Variants in CORO2A observed in about 807,000 individuals in gnomAD.
CORO2A encodes the protein coronin 2A.
Under a neutral mutation model 62.4 loss-of-function variants are expected in CORO2A, and 47 were observed. That is an observed-to-expected ratio of 0.75 (90% CI 0.60 to 0.96). The LOEUF (loss-of-function observed/expected upper bound fraction) is 0.96. Among genes scored for constraint, CORO2A ranks in the 40% least tolerant of loss-of-function variants. The probability of loss-of-function intolerance (pLI) is 0.00; values close to 1 mark genes in which losing one functional copy is unlikely to be tolerated. For missense variants in CORO2A, 610 were observed against 684.1 expected (o/e 0.89, Z 1.21); for synonymous variants, 273 against 268.9 (o/e 1.02, Z -0.15).
At position 98,188,402 on chromosome 9, in the gene CORO2A, T is replaced by C. The variant is rs546035971; in HGVS notation, c.-1+4157A>G. On this transcript the variant is annotated intron_variant, in intron 1 of 11. Transcript: ENST00000375077. ...TCCCCCCATCTGATTGTAAGCTCTT[T>C]GGGGGAAGATCTTTCTGGTCTATTT... 8.3e-4 allele frequency among the ~76,000 whole-genome samples: 127 copies of C among 152,328 alleles called. 1 individual carries two copies. The highest frequency in any genetic ancestry group is 2.8e-3 in the African/African-American group (116 of 41,586).
At chr9:98,132,913 T>G (rs1380001807) in intron 5 of CORO2A, 125 bp downstream of exon 5, 2 of 1,061,490 alleles carry the variant, frequency 1.9e-6, no homozygotes, top group Admixed American at 4.9e-5. Context: ...CAGACAGGGA[T>G]GCTGCCTGTG....
At chr9:98,160,142 C>T (rs1345237448) in intron 1 of CORO2A, among the ~76,000 whole-genome samples, 1 of 152,184 alleles carries the variant, frequency 6.6e-6, no homozygotes, top group African/African-American at 2.4e-5. Flanking sequence ...TTGCCCTAAA[C>T]CCTGGCTGCA....
chr9:98,147,395 T>C (rs961407802), intron 2 of CORO2A, among the ~76,000 whole-genome samples: 3 of 152,082 alleles, frequency 2.0e-5, no homozygotes, highest in African/African-American at 7.2e-5. Context: ...ATACTTCAGG[T>C]AAAAGGGATG....
intron 1 of CORO2A, among the ~76,000 whole-genome samples, chr9:98,184,204 T>G (rs2118938851): frequency 6.6e-6 from 1 of 151,738 alleles, no homozygotes; most frequent in South Asian, 2.1e-4. Flanking sequence ...AAATAAATTA[T>G]CTATCAAGTA....
chr9:98,151,964 A>G (rs4742718), intron 2 of CORO2A, among the ~76,000 whole-genome samples: 95,830 of 150,706 alleles, frequency 0.64, 31,036 homozygotes, highest in African/African-American at 0.78. Context: ...CCACAGGCGC[A>G]CGCCACCATG....
At chr9:98,153,069 TG>T (rs1280560567) in intron 2 of CORO2A, among the ~76,000 whole-genome samples, 1 of 152,216 alleles carries the variant, frequency 6.6e-6, no homozygotes, top group African/African-American at 2.4e-5. Flanking sequence ...GTACAGTATT[TG>T]GGGGTAAAGG....
chr9:98,167,177 A>AG (rs1234452531), intron 1 of CORO2A, among the ~76,000 whole-genome samples: 11 of 152,168 alleles, frequency 7.2e-5, no homozygotes, highest in Non-Finnish European at 1.5e-5. Flanking sequence ...ATGAACTTTG[A>AG]GGGCATTATG....
At chr9:98,178,545 A>C (rs187432978) in intron 1 of CORO2A, among the ~76,000 whole-genome samples, 2 of 152,216 alleles carry the variant, frequency 1.3e-5, no homozygotes, top group Non-Finnish European at 2.9e-5. Flanking sequence ...AGGTTAATTA[A>C]TTGGGATAAC....
chr9:98,162,260 G>A (rs1827896471), intron 1 of CORO2A, among the ~76,000 whole-genome samples: 1 of 151,976 alleles, frequency 6.6e-6, no homozygotes, highest in African/African-American at 2.4e-5. Flanking sequence ...AGCTCTTTCA[G>A]ACCCATCACA....
intron 2 of CORO2A, among the ~76,000 whole-genome samples, chr9:98,150,661 G>A (rs370067313): frequency 6.6e-6 from 1 of 152,164 alleles, no homozygotes; most frequent in East Asian, 1.9e-4. Flanking sequence ...TAGAAACAGT[G>A]ACAGTTCTGA....
intron 2 of CORO2A, among the ~76,000 whole-genome samples, chr9:98,151,673 CT>C (rs1197238736): frequency 6.6e-6 from 1 of 151,900 alleles, no homozygotes; most frequent in South Asian, 2.1e-4. Context: ...CGCTATTTTT[CT>C]TTTTTTGAGA....
rs577570567 is a variant in CORO2A at position 98,123,108 on chromosome 9, A to G, written c.*1666T>C. ...CCCTGGTTCAGATGAAGAAACTGAG[A>G]CCAGAGAGGGCAGGACTTGCAAGAG... On this transcript the variant is annotated 3_prime_UTR_variant, in exon 12 of 12. Coordinates refer to ENST00000375077, the MANE Select transcript of CORO2A (RefSeq NM_052820.4). The G allele has an allele frequency of 6.6e-6, 1 of 152,376 alleles. No homozygotes were observed. Among genetic ancestry groups the G allele is most frequent in the East Asian group, 1.9e-4 (1 of 5,184 alleles). 9.4% of individuals were successfully genotyped at this position (152,376 alleles called of 1,614,324 possible).
chr9:98,154,051 A>C (rs80277213), intron 2 of CORO2A, among the ~76,000 whole-genome samples: 1 of 152,052 alleles, frequency 6.6e-6, no homozygotes, highest in Non-Finnish European at 1.5e-5. Context: ...AATAAATCCA[A>C]CTTGGTCAGA....
chr9:98,162,424 G>A (rs890085070), intron 1 of CORO2A, among the ~76,000 whole-genome samples: 15 of 152,186 alleles, frequency 9.9e-5, no homozygotes, highest in Admixed American at 2.0e-4. Flanking sequence ...CAGCAAAAGA[G>A]CGTGAACATC....
chr9:98,157,301 A>C, intron 2 of CORO2A, 159 bp downstream of exon 2: 1 of 675,170 alleles, frequency 1.5e-6, no homozygotes, highest in South Asian at 2.0e-5. Flanking sequence ...TATTTTTCCC[A>C]GTGAGGAAAC....
chr9:98,154,368 T>C (rs1185887460), intron 2 of CORO2A, among the ~76,000 whole-genome samples: 1 of 139,750 alleles, frequency 7.2e-6, no homozygotes, highest in African/African-American at 2.6e-5. Flanking sequence ...AATACATATA[T>C]ATATATATTT....
intron 1 of CORO2A, among the ~76,000 whole-genome samples, chr9:98,190,871 A>G (rs1267415306): frequency 1.3e-5 from 2 of 152,218 alleles, no homozygotes; most frequent in Non-Finnish European, 1.5e-5. Context: ...ACGAGGGGAT[A>G]ATAACACTCA....
At chr9:98,177,470 T>G (rs945258854) in intron 1 of CORO2A, among the ~76,000 whole-genome samples, 4 of 137,710 alleles carry the variant, frequency 2.9e-5, no homozygotes, top group South Asian at 2.4e-4. Flanking sequence ...TTTTTTTTTT[T>G]TTTTTTTTTT....
At chr9:98,185,514 C>T (rs16913644) in intron 1 of CORO2A, among the ~76,000 whole-genome samples, 15,459 of 152,226 alleles carry the variant, frequency 0.1, 1,068 homozygotes, top group East Asian at 0.18. Context: ...CCTTGTTGTC[C>T]GCAATCTTAG....
Sources: allele counts gnomAD v4.1 joint callset (sites outside exome capture counted in the v4.1 genomes callset), GRCh38; gene constraint gnomAD v4.1.1; transcripts MANE v1.5; gene names NCBI Gene and HGNC (gene_info 2026-07-23, HGNC 2026-07-21).